Variants in PCP4 observed in about 807,000 individuals in gnomAD.
PCP4 encodes the protein calmodulin regulator protein PCP4.
In PCP4, 8 loss-of-function variants were observed where a neutral mutation model predicts 10.0. The observed-to-expected ratio is 0.80, with a 90% CI of 0.47 to 1.45. PCP4 has a LOEUF of 1.45. Ranked by LOEUF, PCP4 falls within the 40% of genes most tolerant of loss-of-function variation. The pLI, the probability that PCP4 is intolerant of heterozygous loss-of-function variation, is 0.00. For missense variants in PCP4, 54 were observed against 74.4 expected (o/e 0.73, Z 1.01); for synonymous variants, 21 against 23.0 (o/e 0.91, Z 0.24).
At chr21:39,925,624 C>T (rs2087617095) in intron 2 of PCP4, among the ~76,000 whole-genome samples, 1 of 152,170 alleles carries the variant, frequency 6.6e-6, no homozygotes, top group South Asian at 2.1e-4. Flanking sequence ...GTGGCGTGCC[C>T]CTAGGGGACA....
intron 1 of PCP4, among the ~76,000 whole-genome samples, chr21:39,870,939 A>T (rs1359533172): frequency 6.6e-6 from 1 of 152,248 alleles, no homozygotes; most frequent in Non-Finnish European, 1.5e-5. Context: ...GGGCAAGGCG[A>T]TGCCCATCAA....
At chr21:39,869,729 A>G (rs1052587648) in intron 1 of PCP4, among the ~76,000 whole-genome samples, 1 of 152,210 alleles carries the variant, frequency 6.6e-6, no homozygotes, top group Non-Finnish European at 1.5e-5. Context: ...AGTGCAACAG[A>G]AGCTCCTTTC....
At chr21:39,918,356 C>T (rs1231041698) in intron 2 of PCP4, among the ~76,000 whole-genome samples, 1 of 152,002 alleles carries the variant, frequency 6.6e-6, no homozygotes, top group African/African-American at 2.4e-5. Flanking sequence ...GCCAGGGTGC[C>T]TCTGGATGGA....
intron 2 of PCP4, among the ~76,000 whole-genome samples, chr21:39,910,999 C>T (rs955677721): frequency 1.3e-5 from 2 of 151,804 alleles, no homozygotes; most frequent in East Asian, 1.9e-4. Flanking sequence ...TGTCTTTGGG[C>T]GCTTGTCGAA....
At chr21:39,926,553 T>A (rs2146353067) in intron 2 of PCP4, among the ~76,000 whole-genome samples, 1 of 152,314 alleles carries the variant, frequency 6.6e-6, no homozygotes, top group African/African-American at 2.4e-5. Context: ...AGGATTCCTC[T>A]GGGAGTAGAA....
At chr21:39,880,391 A>G (rs904986263) in intron 1 of PCP4, among the ~76,000 whole-genome samples, 2 of 152,170 alleles carry the variant, frequency 1.3e-5, no homozygotes, top group Non-Finnish European at 2.9e-5. Context: ...TCTTTTGATG[A>G]TGAAGTAATA....
chr21:39,878,766 C>T (rs532381512), intron 1 of PCP4, among the ~76,000 whole-genome samples: 33 of 152,254 alleles, frequency 2.2e-4, no homozygotes, highest in Non-Finnish European at 8.8e-5. Context: ...TATCTCAGAG[C>T]TTCTAGTGGC....
intron 1 of PCP4, among the ~76,000 whole-genome samples, chr21:39,896,771 G>A (rs1033528696): frequency 6.6e-6 from 1 of 152,122 alleles, no homozygotes. Flanking sequence ...CATTAATTAA[G>A]GGTTGACAAA....
Position 39,929,200 on chromosome 21 carries a change from T to A in PCP4, c.*89T>A. The A allele has an allele frequency of 7.6e-7, 1 of 1,320,724 alleles. No homozygotes were observed. The highest frequency in any genetic ancestry group is 1.0e-6 in the Non-Finnish European group (1 of 953,610). The allele number at this position is 1,320,724 out of a possible 1,614,324, so 81.8% of individuals were successfully genotyped here. ...AAAAGAACAACACCCTAGAGAGAAG[T>A]CATCCACACACAATCCACACACGCA... On this transcript the variant is annotated 3_prime_UTR_variant, in exon 3 of 3. Coordinates refer to ENST00000328619, the MANE Select transcript of PCP4 (RefSeq NM_006198.3).
intron 1 of PCP4, chr21:39,883,481 A>G (rs2087385591): frequency 6.6e-6 from 1 of 152,218 alleles, no homozygotes; most frequent in South Asian, 2.1e-4. Flanking sequence ...ATTTGTACAA[A>G]ACACACAAAA....
chr21:39,905,737 T>A (rs1224569143), intron 2 of PCP4, among the ~76,000 whole-genome samples: 3 of 152,154 alleles, frequency 2.0e-5, no homozygotes, highest in Admixed American at 6.5e-5. Flanking sequence ...ATTCTTTACA[T>A]CTATAGGCTT....
chr21:39,902,886 A>G (rs1444173661), intron 2 of PCP4, among the ~76,000 whole-genome samples: 1 of 152,244 alleles, frequency 6.6e-6, no homozygotes, highest in African/African-American at 2.4e-5. Context: ...ACAATAGCTC[A>G]TAGCTTCCAT....
At chr21:39,895,574 G>A (rs546514650) in intron 1 of PCP4, among the ~76,000 whole-genome samples, 16 of 152,374 alleles carry the variant, frequency 1.1e-4, no homozygotes, top group African/African-American at 3.8e-4. Context: ...GCTGAATTCT[G>A]CCTCTGCCTC....
At chr21:39,908,621 C>T (rs1322099114) in intron 2 of PCP4, among the ~76,000 whole-genome samples, 1 of 152,148 alleles carries the variant, frequency 6.6e-6, no homozygotes, top group Non-Finnish European at 1.5e-5. Context: ...GCCCCAGGCT[C>T]TGCTCCCACT....
chr21:39,925,808 G>A (rs1288707754), intron 2 of PCP4, among the ~76,000 whole-genome samples: 3 of 152,096 alleles, frequency 2.0e-5, no homozygotes, highest in Admixed American at 6.5e-5. Flanking sequence ...CTGCTCCTGT[G>A]GCCTTGTCAC....
intron 2 of PCP4, among the ~76,000 whole-genome samples, chr21:39,918,469 T>C (rs1281276845): frequency 6.6e-6 from 1 of 152,194 alleles, no homozygotes; most frequent in African/African-American, 2.4e-5. Flanking sequence ...GAGAACTTGA[T>C]TTGAACAATC....
intron 1 of PCP4, among the ~76,000 whole-genome samples, chr21:39,892,144 G>A (rs1213974173): frequency 1.3e-5 from 2 of 152,162 alleles, no homozygotes; most frequent in South Asian, 2.1e-4. Context: ...GCCCTCAAGC[G>A]GCCCCTATGC....
At chr21:39,900,583 A>C (rs777768688) in intron 2 of PCP4, among the ~76,000 whole-genome samples, 2 of 152,138 alleles carry the variant, frequency 1.3e-5, no homozygotes, top group African/African-American at 2.4e-5. Flanking sequence ...TGTAACAAGC[A>C]TGCAGTTTAC....
At chr21:39,914,792 G>A (rs2087560788) in intron 2 of PCP4, among the ~76,000 whole-genome samples, 1 of 152,080 alleles carries the variant, frequency 6.6e-6, no homozygotes, top group African/African-American at 2.4e-5. Context: ...ATTCTCTATG[G>A]TGGTGAAATT....
Sources: allele counts gnomAD v4.1 joint callset (sites outside exome capture counted in the v4.1 genomes callset), GRCh38; gene constraint gnomAD v4.1.1; transcripts MANE v1.5; gene names NCBI Gene and HGNC (gene_info 2026-07-23, HGNC 2026-07-21).